KIAA1217: variants seen among roughly 807,000 people sequenced by gnomAD.
KIAA1217 encodes sickle tail protein homolog.
In KIAA1217, 88 loss-of-function variants were observed where a neutral mutation model predicts 163.9. The ratio of observed to expected loss-of-function variants is 0.54; its 90% CI spans 0.45 to 0.64. The LOEUF (loss-of-function observed/expected upper bound fraction) is 0.64, where lower values mean the gene tolerates loss of function less well. Among genes scored for constraint, KIAA1217 ranks in the 30% least tolerant of loss-of-function variants. KIAA1217 has a pLI of 0.00. For synonymous variants in KIAA1217, 903 were observed against 923.1 expected, an observed-to-expected ratio of 0.98 and a Z score of 0.39; for missense variants, 2,372 against 2,475.0, an observed-to-expected ratio of 0.96 and a Z score of 0.88.
chr10:24,287,705 A>G (rs1480810476), intron 2 of KIAA1217, among the ~76,000 whole-genome samples: 2 of 152,198 alleles, frequency 1.3e-5, no homozygotes, highest in African/African-American at 2.4e-5. Context: ...TTTATAAAGA[A>G]TATTTGCTTT....
chr10:24,500,943 A>G (rs2067492974), intron 8 of KIAA1217, among the ~76,000 whole-genome samples: 1 of 152,144 alleles, frequency 6.6e-6, no homozygotes, highest in African/African-American at 2.4e-5. Flanking sequence ...TAAACAAACA[A>G]ACAAAAAACC....
intron 3 of KIAA1217, among the ~76,000 whole-genome samples, chr10:24,422,986 G>A (rs971628410): frequency 7.0e-6 from 1 of 143,524 alleles, no homozygotes; most frequent in Non-Finnish European, 1.5e-5. Context: ...CTCACTGCAA[G>A]TTCTGCCTCC....
chr10:24,498,308 A>G (rs959276769), intron 8 of KIAA1217, among the ~76,000 whole-genome samples: 3 of 152,212 alleles, frequency 2.0e-5, no homozygotes, highest in Admixed American at 6.5e-5. Flanking sequence ...GAAGAAGATC[A>G]TGGAAAGTTT....
At chr10:23,856,841 G>A (rs771368626) in intron 1 of KIAA1217, among the ~76,000 whole-genome samples, 7 of 152,232 alleles carry the variant, frequency 4.6e-5, no homozygotes, top group South Asian at 4.1e-4. Context: ...CTCCTGGTGC[G>A]CCTTTTTTTA....
intron 1 of KIAA1217, among the ~76,000 whole-genome samples, chr10:23,948,562 GA>G (rs1206956011): frequency 6.6e-6 from 1 of 151,780 alleles, no homozygotes; most frequent in Admixed American, 6.6e-5. Context: ...ATTTTGAGGG[GA>G]AAAAAAGAGT....
intron 1 of KIAA1217, among the ~76,000 whole-genome samples, chr10:23,757,088 T>C (rs915115932): frequency 3.9e-5 from 6 of 152,190 alleles, no homozygotes; most frequent in African/African-American, 1.4e-4. Flanking sequence ...TTCCATTGTA[T>C]GTGTAGATCA....
At chr10:24,037,444 C>T (rs11013864) in intron 2 of KIAA1217, among the ~76,000 whole-genome samples, 439 of 152,284 alleles carry the variant, frequency 2.9e-3, no homozygotes, top group Non-Finnish European at 5.1e-3. Context: ...GAGCCAAGAT[C>T]GCACCACTGC....
chr10:24,078,957 T>C (rs944440932), intron 2 of KIAA1217, among the ~76,000 whole-genome samples: 1 of 152,228 alleles, frequency 6.6e-6, no homozygotes, highest in Non-Finnish European at 1.5e-5. Flanking sequence ...CAAGACCTTC[T>C]TTTCCTGTCT....
chr10:23,970,728 C>A (rs553506123), intron 1 of KIAA1217, among the ~76,000 whole-genome samples: 1 of 152,298 alleles, frequency 6.6e-6, no homozygotes, highest in East Asian at 1.9e-4. Flanking sequence ...CACCAACCAA[C>A]TGAATAGACC....
intron 2 of KIAA1217, among the ~76,000 whole-genome samples, chr10:24,193,094 T>A (rs917928377): frequency 3.9e-4 from 60 of 152,160 alleles, no homozygotes; most frequent in African/African-American, 1.1e-3. Context: ...TTAAAAAAAA[T>A]TTTTTTGAGA....
At chr10:23,811,535 G>C (rs990166199) in intron 1 of KIAA1217, among the ~76,000 whole-genome samples, 4 of 151,722 alleles carry the variant, frequency 2.6e-5, no homozygotes, top group Non-Finnish European at 5.9e-5. Context: ...GTGTATTTTA[G>C]ACTTTTTTAA....
chr10:24,412,561 A>G lies in KIAA1217; in HGVS notation c.554-20434A>G, dbSNP rs188506704. On this transcript the variant is annotated intron_variant, in intron 3 of 20. Coordinates refer to ENST00000376454, the MANE Select transcript of KIAA1217 (RefSeq NM_019590.5). ...CTGCCAACACATCACATGGTAGACC[A>G]TGTCCCATCCTTAAGACACACCCGT... is the stretch of plus-strand genomic sequence containing the variant. 7.2e-5 allele frequency among the ~76,000 whole-genome samples: 11 copies of G among 152,298 alleles called. 1 individual carries two copies. The East Asian group carries it at 2.1e-3, about 29-fold the overall frequency.
chr10:23,861,862 C>T (rs1249025628), intron 1 of KIAA1217, among the ~76,000 whole-genome samples: 1 of 152,096 alleles, frequency 6.6e-6, no homozygotes, highest in Non-Finnish European at 1.5e-5. Context: ...CCTTGTGAGC[C>T]TCAGAGCAGA....
chr10:23,856,700 A>C (rs1213338291), intron 1 of KIAA1217, among the ~76,000 whole-genome samples: 1 of 152,256 alleles, frequency 6.6e-6, no homozygotes, highest in Non-Finnish European at 1.5e-5. Context: ...TTACCTAAGC[A>C]AACCTGGGCA....
At chr10:23,944,995 G>A (rs969631336) in intron 1 of KIAA1217, among the ~76,000 whole-genome samples, 12 of 150,722 alleles carry the variant, frequency 8.0e-5, no homozygotes, top group African/African-American at 2.4e-4. Flanking sequence ...GGAGGCGGAG[G>A]TTGCAGTGAG....
At chr10:24,402,386 G>A (rs1013817328) in intron 3 of KIAA1217, among the ~76,000 whole-genome samples, 4 of 151,984 alleles carry the variant, frequency 2.6e-5, no homozygotes, top group African/African-American at 9.7e-5. Context: ...GTGGGCGCCT[G>A]TAGTCCCAAC....
intron 17 of KIAA1217, among the ~76,000 whole-genome samples, chr10:24,541,830 C>T (rs1173364395): frequency 6.6e-6 from 1 of 152,182 alleles, no homozygotes; most frequent in Non-Finnish European, 1.5e-5. Flanking sequence ...AAAGCTGAGT[C>T]GTGACGTCAC....
chr10:24,294,525 G>T (rs749232858), intron 2 of KIAA1217, among the ~76,000 whole-genome samples: 10 of 152,214 alleles, frequency 6.6e-5, no homozygotes, highest in Non-Finnish European at 1.5e-4. Flanking sequence ...GTTAATGGCA[G>T]TTAGCTACGT....
In KIAA1217 at chr10:24,240,865, T is replaced by TA. The variant is rs1564326144; in HGVS notation, c.354+20956_354+20957insA. On this transcript the variant is annotated intron_variant, in intron 2 of 20. Transcript: ENST00000376454. ...AGTAAGGCTAGTAGTCTTTTTTTTT[T>TA]TAAAAAAAAAAGACAGGGTCTCACT... Among the ~76,000 whole-genome samples, 652 of 149,940 alleles carry TA rather than the reference T, an allele frequency of 4.3e-3. 2 individuals carry two copies. Among genetic ancestry groups the TA allele is most frequent in the East Asian group, 9.9e-3 (51 of 5,144 alleles).
Sources: gnomAD v4.1 joint callset for allele counts (sites outside exome capture counted in the v4.1 genomes callset) on GRCh38, gnomAD v4.1.1 for gene constraint, MANE v1.5 for transcripts, NCBI Gene and HGNC (gene_info 2026-07-23, HGNC 2026-07-21) for gene names.